The following ADAMTS17 variants were observed in gnomAD, a reference collection of about 807,000 sequenced individuals.
The protein encoded by ADAMTS17 is ADAM metallopeptidase with thrombospondin type 1 motif 17, also known as A disintegrin and metalloproteinase with thrombospondin motifs 17.
A neutral mutation model predicts 141.5 loss-of-function variants in ADAMTS17; 113 were observed. That is an observed-to-expected ratio of 0.80 (90% confidence interval 0.69 to 0.93). ADAMTS17 has a LOEUF of 0.93. ADAMTS17 is among the 40% of genes least tolerant of loss of function. The probability of loss-of-function intolerance (pLI) is 0.00; values close to 1 mark genes in which losing one functional copy is unlikely to be tolerated. For synonymous variants in ADAMTS17, 768 were observed against 630.6 expected, an observed-to-expected ratio of 1.22 and a Z score of -3.27; for missense variants, 1,659 against 1,517.9, an observed-to-expected ratio of 1.09 and a Z score of -1.54.
chr15:100,246,596 G>A (rs934090608), intron 7 of ADAMTS17, among the ~76,000 whole-genome samples: 16 of 152,184 alleles, frequency 1.1e-4, no homozygotes, highest in East Asian at 1.9e-4. Context: ...ACATAGTGTG[G>A]ATAAGCCCAG....
At position 100,096,446 on chromosome 15, in the gene ADAMTS17, C is replaced by T. The variant is rs370008488; in HGVS notation, c.2047G>A (p.Ala683Thr). 1.7e-5 allele frequency: 27 copies of T among 1,614,152 alleles called. No individual in the cohort carries two copies. In the East Asian group the frequency reaches 4.2e-4, roughly 25 times the overall value. Residue 683 changes from alanine (A) to threonine (T), a missense_variant, in exon 15 of 22, where the codon GCA becomes ACA. Ala to Thr is a moderately conservative substitution (Grantham distance 58). Coordinates refer to ENST00000268070, the MANE Select transcript of ADAMTS17 (RefSeq NM_139057.4). ...ACCCCGCATCTGTCCTCTTTGGCTG[C>T]AGACCCGATGATGCCGTCACAGCCG... Reference protein sequence around the residue: ...KIGCDGIIGSAAKEDRCGVCS... With the variant: ...KIGCDGIIGSTAKEDRCGVCS...
intron 18 of ADAMTS17, among the ~76,000 whole-genome samples, chr15:100,031,067 A>C (rs1274624281): frequency 6.6e-6 from 1 of 152,126 alleles, no homozygotes; most frequent in Non-Finnish European, 1.5e-5. Context: ...TCTCCTCAAG[A>C]CTTCTATGAC....
At chr15:100,236,419 G>T (rs2042657757) in intron 7 of ADAMTS17, among the ~76,000 whole-genome samples, 1 of 152,114 alleles carries the variant, frequency 6.6e-6, no homozygotes, top group African/African-American at 2.4e-5. Flanking sequence ...AACATCTGGG[G>T]TGAGGTCCAG....
In ADAMTS17 at chr15:100,231,160, T is replaced by C. The variant is rs146353717; in HGVS notation, c.1075+22976A>G. On this transcript the variant is annotated intron_variant, in intron 7 of 21. Transcript: ENST00000268070. ...TTAAGTACTTTGTATCTAGCAATGG[T>C]GTGCCTCATTATTTTCAGGACCGTG... Among the ~76,000 whole-genome samples the C allele has an allele frequency of 1.2e-3, 184 of 152,364 alleles. 1 individual carries two copies. Among genetic ancestry groups the C allele is most frequent in the African/African-American group, 4.3e-3 (178 of 41,592 alleles).
At chr15:100,195,279 C>T (rs2041068664) in intron 8 of ADAMTS17, among the ~76,000 whole-genome samples, 1 of 152,214 alleles carries the variant, frequency 6.6e-6, no homozygotes, top group Non-Finnish European at 1.5e-5. Context: ...CTCGTGTCCG[C>T]AGCAGGGCTG....
intron 18 of ADAMTS17, among the ~76,000 whole-genome samples, chr15:100,032,438 A>G (rs1458103357): frequency 6.6e-6 from 1 of 152,206 alleles, no homozygotes; most frequent in Non-Finnish European, 1.5e-5. Flanking sequence ...AACAAGCCAG[A>G]AAACCAACTA....
intron 18 of ADAMTS17, among the ~76,000 whole-genome samples, chr15:100,013,896 C>T (rs923280185): frequency 1.3e-5 from 2 of 152,126 alleles, no homozygotes; most frequent in Non-Finnish European, 2.9e-5. Context: ...ATGCTGGCTT[C>T]ATAGAATGAA....
At chr15:100,243,351 G>C (rs1342692362) in intron 7 of ADAMTS17, among the ~76,000 whole-genome samples, 1 of 152,218 alleles carries the variant, frequency 6.6e-6, no homozygotes, top group Non-Finnish European at 1.5e-5. Context: ...AAGAAGTAGA[G>C]TTCCTGAATC....
At chr15:100,019,918 CTTTGT>C (rs1295271325) in intron 18 of ADAMTS17, among the ~76,000 whole-genome samples, 1 of 151,954 alleles carries the variant, frequency 6.6e-6, no homozygotes, top group African/African-American at 2.4e-5. Context: ...TCATTGCTTT[CTTTGT>C]TTTGATCACC....
At chr15:100,149,231 C>T (rs1183076314) in intron 10 of ADAMTS17, among the ~76,000 whole-genome samples, 1 of 152,226 alleles carries the variant, frequency 6.6e-6, no homozygotes, top group Non-Finnish European at 1.5e-5. Flanking sequence ...GATACATGTC[C>T]CAGGCCTAGG....
intron 12 of ADAMTS17, among the ~76,000 whole-genome samples, chr15:100,130,435 G>A (rs1432426818): frequency 2.0e-5 from 3 of 151,920 alleles, no homozygotes; most frequent in Non-Finnish European, 2.9e-5. Context: ...GGGTGCTAGA[G>A]GGAAATGTTT....
intron 7 of ADAMTS17, among the ~76,000 whole-genome samples, chr15:100,202,044 T>A (rs1323765834): frequency 6.6e-6 from 1 of 152,154 alleles, no homozygotes; most frequent in African/African-American, 2.4e-5. Context: ...CCTGGAGAAG[T>A]TGCCTGGTGA....
chr15:100,286,837 A>C (rs987652671), intron 3 of ADAMTS17, among the ~76,000 whole-genome samples: 2 of 152,218 alleles, frequency 1.3e-5, no homozygotes, highest in African/African-American at 2.4e-5. Context: ...TATGGAGAGC[A>C]ATAAAGATCA....
At chr15:100,194,265 C>T (rs762206230) in intron 8 of ADAMTS17, among the ~76,000 whole-genome samples, 1 of 152,106 alleles carries the variant, frequency 6.6e-6, no homozygotes, top group Non-Finnish European at 1.5e-5. Flanking sequence ...AGGCCCAGAA[C>T]GACTAGTGGA....
At chr15:100,081,230 G>A (rs770610511) in intron 15 of ADAMTS17, among the ~76,000 whole-genome samples, 1 of 152,184 alleles carries the variant, frequency 6.6e-6, no homozygotes, top group East Asian at 1.9e-4. Flanking sequence ...TCCTGCCCTG[G>A]AACATCAGAC....
chr15:100,049,546 C>T (rs112125309), intron 17 of ADAMTS17, among the ~76,000 whole-genome samples: 2 of 152,328 alleles, frequency 1.3e-5, no homozygotes, highest in Admixed American at 6.5e-5. Flanking sequence ...GCTGAGCCCC[C>T]ACCTGCTCTT....
chr15:100,255,131 C>G (rs551429378), intron 6 of ADAMTS17, among the ~76,000 whole-genome samples: 1 of 152,288 alleles, frequency 6.6e-6, no homozygotes, highest in South Asian at 2.1e-4. Flanking sequence ...TCTGCAAGTA[C>G]AAGGGGTTCA....
chr15:99,982,009 G>T (rs971313743), intron 20 of ADAMTS17, among the ~76,000 whole-genome samples: 1 of 152,198 alleles, frequency 6.6e-6, no homozygotes, highest in African/African-American at 2.4e-5. Context: ...GGCATGCTAC[G>T]TCCCCACTTA....
intron 12 of ADAMTS17, among the ~76,000 whole-genome samples, chr15:100,130,230 G>C (rs1016899949): frequency 2.6e-5 from 4 of 151,990 alleles, no homozygotes; most frequent in African/African-American, 9.7e-5. Flanking sequence ...TGGGAGTTGT[G>C]GTGCACTCCT....
Sources: allele counts gnomAD v4.1 joint callset (sites outside exome capture counted in the v4.1 genomes callset), GRCh38; gene constraint gnomAD v4.1.1; transcripts MANE v1.5; gene names NCBI Gene and HGNC (gene_info 2026-07-23, HGNC 2026-07-21).